The following PCDHA4 variants were observed in gnomAD, a reference collection of about 807,000 sequenced individuals.
PCDHA4 encodes the protein protocadherin alpha 4, also known as protocadherin alpha-4.
Under a neutral mutation model 61.4 loss-of-function variants are expected in PCDHA4, and 49 were observed. The ratio of observed to expected loss-of-function variants is 0.80; its 90% CI spans 0.63 to 1.01. The LOEUF (loss-of-function observed/expected upper bound fraction) is 1.01. PCDHA4 is among the 50% of genes least tolerant of loss of function. PCDHA4 has a pLI of 0.00. For missense variants in PCDHA4, 1,254 were observed against 1,235.8 expected (o/e 1.01, Z -0.22); for synonymous variants, 590 against 550.3 (o/e 1.07, Z -1.01).
chr5:140,836,667 G>C, intron 1 of PCDHA4: 2 of 1,613,396 alleles, frequency 1.2e-6, no homozygotes, highest in Non-Finnish European at 1.7e-6. Context: ...GTGCTCTGGG[G>C]AGGGCCCACC....
intron 1 of PCDHA4, chr5:140,882,076 G>A: frequency 1.1e-6 from 1 of 920,546 alleles, no homozygotes. Flanking sequence ...TGCGCATGGT[G>A]TCGCTCTTCA....
Position 140,848,427 on chromosome 5 carries a change from A to G in PCDHA4, c.2385+38855A>G, listed in dbSNP as rs1781513413. The G allele has an allele frequency of 2.1e-6, 3 of 1,451,764 alleles. No homozygotes were observed. In the African/African-American group the frequency reaches 4.2e-5, roughly 20 times the overall value. The allele number at this position is 1,451,764 out of a possible 1,614,324, so 89.9% of individuals were successfully genotyped here. A position where few individuals can be genotyped will look rare whatever the true frequency, so the allele number is the denominator to read the frequency against. The stretch of plus-strand genomic sequence containing the variant: ...TGGCGAACACAGCAGAATGGGACTG[A>G]CGAAATCAGATGATTTCTTCTAATT... On this transcript the variant is annotated intron_variant, in intron 1 of 3. Coordinates refer to ENST00000530339, the MANE Select transcript of PCDHA4 (RefSeq NM_018907.4).
rs2150469634 is a variant in PCDHA4, at chr5:140,850,145, G to A, written c.2385+40573G>A. 7 of 1,595,444 alleles carry A rather than the reference G, an allele frequency of 4.4e-6. No individual in the cohort carries two copies. The African/African-American group carries it at 5.4e-5, about 12-fold the overall frequency. ...TGCCGCCTCTGGGCAGCAACGTGACGCTGCAGGTGTTCGTGCTGGACGAGA... is the reference window on the plus strand; with the variant it reads ...TGCCGCCTCTGGGCAGCAACGTGACACTGCAGGTGTTCGTGCTGGACGAGA... On this transcript the variant is annotated intron_variant, in intron 1 of 3. Coordinates refer to ENST00000530339, the MANE Select transcript of PCDHA4 (RefSeq NM_018907.4).
intron 1 of PCDHA4, chr5:140,868,884 T>G (rs2050712940): frequency 1.4e-6 from 1 of 728,466 alleles, no homozygotes; most frequent in South Asian, 2.1e-5. Context: ...ACTCACAGTT[T>G]TAGGCGCAAG....
At chr5:140,935,473 AT>A (rs2090393235) in intron 1 of PCDHA4, among the ~76,000 whole-genome samples, 1 of 152,212 alleles carries the variant, frequency 6.6e-6, no homozygotes, top group African/African-American at 2.4e-5. Context: ...AGTTTTTGTC[AT>A]TCTTTTCATT....
intron 1 of PCDHA4, chr5:140,822,913 G>A (rs2150120291): frequency 6.2e-7 from 1 of 1,614,254 alleles, no homozygotes; most frequent in Non-Finnish European, 8.5e-7. Context: ...TGACTCAGGT[G>A]CCAACGGGCA....
At chr5:140,877,504 A>G (rs532509235) in intron 1 of PCDHA4, 1 of 1,613,764 alleles carries the variant, frequency 6.2e-7, no homozygotes, top group South Asian at 1.1e-5. Context: ...GGCCCCAAAG[A>G]CGTCGTCGCG....
chr5:140,967,276 G>C, intron 1 of PCDHA4: 2 of 1,613,398 alleles, frequency 1.2e-6, no homozygotes. Context: ...TTCACATAGA[G>C]AGTGCGCAGG....
At position 140,858,524 on chromosome 5, in the gene PCDHA4, T is replaced by C. The variant is rs1562538927; in HGVS notation, c.2385+48952T>C. 9 of 1,408,436 alleles carry C rather than the reference T, an allele frequency of 6.4e-6. 1 individual carries two copies. Among genetic ancestry groups the C allele is most frequent in the Admixed American group, 2.0e-5 (1 of 49,940 alleles). The allele number at this position is 1,408,436 out of a possible 1,614,324, so 87.2% of individuals were successfully genotyped here. A position where few individuals can be genotyped will look rare whatever the true frequency, so the allele number is the denominator to read the frequency against. On this transcript the variant is annotated intron_variant, in intron 1 of 3. Coordinates refer to ENST00000530339, the MANE Select transcript of PCDHA4 (RefSeq NM_018907.4). ...TTTCTCAAATATGTATCAGAATATT[T>C]CATTTTTGTCTACATTCCATTTATG...
intron 1 of PCDHA4, chr5:140,877,093 G>T (rs2056846978): frequency 6.2e-7 from 1 of 1,613,178 alleles, no homozygotes; most frequent in African/African-American, 1.3e-5. Context: ...GCGCGACGCC[G>T]GCGTGCCGCC....
intron 1 of PCDHA4, chr5:140,877,772 C>A (rs372461540): frequency 1.2e-6 from 2 of 1,614,152 alleles, no homozygotes; most frequent in Non-Finnish European, 1.7e-6. Context: ...CCGCCCAAGA[C>A]GGACCTCATG....
At chr5:140,829,351 C>T in intron 1 of PCDHA4, 1 of 1,614,246 alleles carries the variant, frequency 6.2e-7, no homozygotes, top group South Asian at 1.1e-5. Flanking sequence ...GCGTGTCGGC[C>T]TATGAGTTGG....
At chr5:140,820,574 T>A (rs1766784523) in intron 1 of PCDHA4, among the ~76,000 whole-genome samples, 1 of 152,082 alleles carries the variant, frequency 6.6e-6, no homozygotes. Flanking sequence ...TGCCCATATT[T>A]ATTAAGTGAA....
At chr5:140,860,772 C>G (rs1554153719) in intron 1 of PCDHA4, 1 of 152,248 alleles carries the variant, frequency 6.6e-6, no homozygotes, top group African/African-American at 2.4e-5. Context: ...GAGTCTCGCT[C>G]TGTTGCCCAG....
intron 3 of PCDHA4, among the ~76,000 whole-genome samples, chr5:140,983,637 T>G (rs1306208906): frequency 6.6e-6 from 1 of 152,232 alleles, no homozygotes; most frequent in Non-Finnish European, 1.5e-5. Context: ...TGTACCCAAG[T>G]TCACGTAGCT....
chr5:140,940,983 C>G lies in PCDHA4; in HGVS notation c.2386-37966C>G, dbSNP rs572659107. On this transcript the variant is annotated intron_variant, in intron 1 of 3. Coordinates refer to ENST00000530339, the MANE Select transcript of PCDHA4 (RefSeq NM_018907.4). ...ATGCAGGATATCTGGTATCTAGTTA[C>G]AAGTTTATAGGATTAAATTTTCCTT... 3.9e-5 allele frequency among the ~76,000 whole-genome samples: 6 copies of G among 152,294 alleles called. No homozygotes were observed. In the South Asian group the frequency reaches 1.0e-3, roughly 26 times the overall value.
At chr5:140,809,878 C>A in intron 1 of PCDHA4, 1 of 246,876 alleles carries the variant, frequency 4.1e-6, no homozygotes, top group Non-Finnish European at 7.7e-6. Context: ...TATTATTTAA[C>A]CTATTACATA....
At chr5:140,841,910 A>C (rs2150325342) in intron 1 of PCDHA4, 2 of 1,613,928 alleles carry the variant, frequency 1.2e-6, no homozygotes, top group Admixed American at 3.3e-5. Context: ...GCTCGTATTA[A>C]GAAAATCCTT....
At chr5:140,822,673 G>T in intron 1 of PCDHA4, 1 of 1,608,644 alleles carries the variant, frequency 6.2e-7, no homozygotes, top group East Asian at 2.2e-5. Flanking sequence ...TAATACTGGT[G>T]AAATAAAAGT....
Sources: gnomAD v4.1 joint callset for allele counts (sites outside exome capture counted in the v4.1 genomes callset) on GRCh38, gnomAD v4.1.1 for gene constraint, MANE v1.5 for transcripts, NCBI Gene and HGNC (gene_info 2026-07-23, HGNC 2026-07-21) for gene names.